The following XPO5 variants were observed in gnomAD, a reference collection of about 807,000 sequenced individuals.
The protein encoded by XPO5 is exportin 5.
XPO5 carries 46 observed loss-of-function variants against 160.6 expected under a neutral mutation model. That is an observed-to-expected ratio of 0.29 (90% CI 0.23 to 0.37). The LOEUF is 0.37. Ranked by LOEUF, XPO5 falls within the 10% of genes least tolerant of loss-of-function variation. XPO5 has a pLI of 1.00. For missense variants in XPO5, 1,090 were observed against 1,463.9 expected, an observed-to-expected ratio of 0.74 and a Z score of 4.17; for synonymous variants, 537 against 519.3, an observed-to-expected ratio of 1.03 and a Z score of -0.46.
At chr6:43,557,831 G>A (rs945408732) in intron 12 of XPO5, among the ~76,000 whole-genome samples, 17 of 143,752 alleles carry the variant, frequency 1.2e-4, no homozygotes, top group African/African-American at 3.8e-4. Flanking sequence ...GCGGTGGTTC[G>A]CACCTGTAAA....
chr6:43,551,531 A>G, intron 14 of XPO5, 78 bp from the exon 15 acceptor site: 3 of 1,550,996 alleles, frequency 1.9e-6, no homozygotes, highest in Non-Finnish European at 2.6e-6. Flanking sequence ...TTTTATTTTC[A>G]TCTTTTAAAG....
In XPO5 at chr6:43,558,487, C is replaced by A; in HGVS notation, c.1312+14G>T. 1 of 1,581,150 alleles carries A rather than the reference C, an allele frequency of 6.3e-7. No individual in the cohort carries two copies. Among genetic ancestry groups the A allele is most frequent in the South Asian group, 1.2e-5 (1 of 84,986 alleles). On this transcript the variant is annotated intron_variant, in intron 12 of 31. Coordinates refer to ENST00000265351, the MANE Select transcript of XPO5 (RefSeq NM_020750.3). ...TGAGACTGTTGAGAGAAATCCAAGG[C>A]CAACATCACTTACAGTTGAAGAAAG...
rs868489365 is a variant in XPO5 at position 43,553,151 on chromosome 6, A to G, written c.1572+222T>C. ...CAACACAGACTCCATTTTTATTATA[A>G]ATTAGCCAGGTGTGGTGGCAAGTAA... On this transcript the variant is annotated intron_variant, in intron 14 of 31. Transcript: ENST00000265351. 2.6e-5 allele frequency among the ~76,000 whole-genome samples: 4 copies of G among 152,076 alleles called. No individual in the cohort carries two copies. The South Asian group carries it at 8.3e-4, about 32-fold the overall frequency.
intron 5 of XPO5, 64 bp downstream of exon 5, chr6:43,570,438 G>GT: frequency 2.0e-6 from 3 of 1,481,868 alleles, no homozygotes; most frequent in Non-Finnish European, 2.7e-6. Flanking sequence ...GTTCCTTACT[G>GT]TAAGATTAAT....
At chr6:43,558,363 A>G (rs1279573133) in intron 12 of XPO5, 138 bp downstream of exon 12, 4 of 727,190 alleles carry the variant, frequency 5.5e-6, no homozygotes, top group Non-Finnish European at 8.8e-6. Context: ...CTGCAATGGG[A>G]AACTAGGGCC....
At chr6:43,556,134 G>C (rs1471555262) in intron 12 of XPO5, 170 bp from the exon 13 acceptor site, 139 of 854,956 alleles carry the variant, frequency 1.6e-4, no homozygotes, top group Non-Finnish European at 4.7e-5. Context: ...AACGAATCCA[G>C]AAGTTTTTGA....
chr6:43,530,573 T>C, intron 23 of XPO5, 115 bp downstream of exon 23: 1 of 1,267,208 alleles, frequency 7.9e-7, no homozygotes, highest in Non-Finnish European at 1.1e-6. Flanking sequence ...CTTAGATACA[T>C]AATCTCATCT....
Position 43,551,563 on chromosome 6 carries a change from C to G in XPO5, c.1573-110G>C, listed in dbSNP as rs1469499205. The G allele has an allele frequency of 2.2e-6, 3 of 1,375,488 alleles. No individual in the cohort carries two copies. In the East Asian group the frequency reaches 7.0e-5, roughly 32 times the overall value. 85.2% of individuals were successfully genotyped at this position (1,375,488 alleles called of 1,614,324 possible). A position where few individuals can be genotyped will look rare whatever the true frequency, so the allele number is the denominator to read the frequency against. ...AAAGAGACAGGGTCTCATTCTGTCACCTAGGCTGGAGTGCACAGTGGCACA... is the reference window on the plus strand; with the variant it reads ...AAAGAGACAGGGTCTCATTCTGTCAGCTAGGCTGGAGTGCACAGTGGCACA... On this transcript the variant is annotated intron_variant, in intron 14 of 31. Transcript: ENST00000265351.
Position 43,525,335 on chromosome 6 carries a change from G to GT in XPO5, c.3067-122dup, listed in dbSNP as rs1442121358. 16 of 948,650 alleles carry GT rather than the reference G, an allele frequency of 1.7e-5. No individual in the cohort carries two copies. The African/African-American group carries it at 2.5e-4, about 15-fold the overall frequency. 58.8% of individuals were successfully genotyped at this position (948,650 alleles called of 1,614,324 possible). A position where few individuals can be genotyped will look rare whatever the true frequency, so the allele number is the denominator to read the frequency against. On this transcript the variant is annotated intron_variant, in intron 28 of 31. Coordinates refer to ENST00000265351, the MANE Select transcript of XPO5 (RefSeq NM_020750.3). ...CCTCCCCCCCTCTAAAGATGGGTTT[G>GT]TTTTGTTGCCCAGGCTGGTCCTGAA... is the stretch of plus-strand genomic sequence containing the variant.
intron 15 of XPO5, 25 bp from the exon 16 acceptor site, chr6:43,549,959 C>A: frequency 6.2e-7 from 1 of 1,609,552 alleles, no homozygotes; most frequent in South Asian, 1.1e-5. Context: ...GAAAAAAGGT[C>A]ACTCATGTTT....
At chr6:43,546,443 A>G in intron 20 of XPO5, 128 bp downstream of exon 20, 1 of 907,624 alleles carries the variant, frequency 1.1e-6, no homozygotes, top group Non-Finnish European at 1.5e-6. Context: ...ACCCTCTAGA[A>G]AGAAATAAGA....
At chr6:43,573,161 A>G (rs1763097705) in intron 2 of XPO5, among the ~76,000 whole-genome samples, 1 of 152,222 alleles carries the variant, frequency 6.6e-6, no homozygotes, top group South Asian at 2.1e-4. Flanking sequence ...TCATTGACCT[A>G]TACATTGCAT....
In XPO5 at chr6:43,560,289, T is replaced by TG; in HGVS notation, c.1109dup (p.Thr371AsnfsTer12). 1 of 1,610,654 alleles carries TG rather than the reference T, an allele frequency of 6.2e-7. No homozygotes were observed. Among genetic ancestry groups the TG allele is most frequent in the Middle Eastern group, 1.7e-4 (1 of 6,054 alleles). On this transcript the variant is annotated frameshift_variant, in exon 11 of 32. Coordinates refer to ENST00000265351, the MANE Select transcript of XPO5 (RefSeq NM_020750.3). LOFTEE classifies it high-confidence loss of function. ...AGAGGGCTCCCCAAGTCATCTGAGT[T>TG]GAAGAGCGTAGAAACTAAAGAGAAA... is the stretch of plus-strand genomic sequence containing the variant.
At chr6:43,530,529 T>G in intron 23 of XPO5, 159 bp downstream of exon 23, 1 of 874,924 alleles carries the variant, frequency 1.1e-6, no homozygotes, top group Admixed American at 3.4e-5. Flanking sequence ...ATGTTTTCCC[T>G]GCAATCTGCC....
rs143311185 is a variant in XPO5 at position 43,564,367 on chromosome 6, T to C, written c.911+1293A>G. Among the ~76,000 whole-genome samples the C allele has an allele frequency of 3.9e-5, 6 of 152,194 alleles. No homozygotes were observed. The East Asian group carries it at 1.2e-3, about 30-fold the overall frequency. ...CAACAGGGAGAAACCCTGTTTCTACTAAAAATACAAAATTAGCTGGCCATG... is the reference window on the plus strand; with the variant it reads ...CAACAGGGAGAAACCCTGTTTCTACCAAAAATACAAAATTAGCTGGCCATG... On this transcript the variant is annotated intron_variant, in intron 8 of 31. Transcript: ENST00000265351.
intron 11 of XPO5, 85 bp from the exon 12 acceptor site, chr6:43,558,676 A>C (rs1270486218): frequency 8.8e-6 from 9 of 1,026,802 alleles, no homozygotes; most frequent in Non-Finnish European, 1.1e-5. Flanking sequence ...AAGCACTTTT[A>C]ATTTATTTAA....
At position 43,564,123 on chromosome 6, in the gene XPO5, T is replaced by C. The variant is rs188909022; in HGVS notation, c.911+1537A>G. 3.4e-3 allele frequency among the ~76,000 whole-genome samples: 516 copies of C among 152,264 alleles called. 3 individuals are homozygous for C. Among genetic ancestry groups the C allele is most frequent in the Admixed American group, 4.4e-3 (68 of 15,300 alleles). ...TTTTAGTAGAGATGGGGTTTCACCA[T>C]GTTGGCCAGGCTGGTCTTGAACTCC... On this transcript the variant is annotated intron_variant, in intron 8 of 31. Transcript: ENST00000265351.
At chr6:43,540,630 G>A (rs912052806) in intron 20 of XPO5, among the ~76,000 whole-genome samples, 2 of 152,144 alleles carry the variant, frequency 1.3e-5, no homozygotes, top group Admixed American at 6.5e-5. Flanking sequence ...GCCAGCCTGG[G>A]CAACAAGAGT....
At chr6:43,546,211 A>G (rs2127726922) in intron 20 of XPO5, among the ~76,000 whole-genome samples, 1 of 152,370 alleles carries the variant, frequency 6.6e-6, no homozygotes, top group African/African-American at 2.4e-5. Flanking sequence ...GCATCATTAT[A>G]GAAGGCAACT....
Sources: allele counts gnomAD v4.1 joint callset (sites outside exome capture counted in the v4.1 genomes callset), GRCh38; gene constraint gnomAD v4.1.1; transcripts MANE v1.5; gene names NCBI Gene and HGNC (gene_info 2026-07-23, HGNC 2026-07-21).